Variants in AHNAK observed in about 807,000 individuals in gnomAD.
AHNAK encodes AHNAK nucleoprotein.
In AHNAK, 23 loss-of-function variants were observed where a neutral mutation model predicts 37.8. The ratio of observed to expected loss-of-function variants is 0.61; its 90% CI spans 0.44 to 0.86. The LOEUF is 0.86. AHNAK is among the 40% of genes least tolerant of loss of function. AHNAK has a pLI of 0.00. For missense variants in AHNAK, 7,411 were observed against 7,319.4 expected (o/e 1.01, Z -0.46); for synonymous variants, 2,481 against 2,636.3 (o/e 0.94, Z 1.80).
chr11:62,481,006 C>G (rs1939259877), intron 5 of AHNAK, among the ~76,000 whole-genome samples: 1 of 152,030 alleles, frequency 6.6e-6, no homozygotes, highest in Non-Finnish European at 1.5e-5. Context: ...CCGAGGCGCT[C>G]CTGTAGCTCC....
At chr11:62,464,638 A>T (rs974171180) in intron 5 of AHNAK, among the ~76,000 whole-genome samples, 2 of 151,302 alleles carry the variant, frequency 1.3e-5, no homozygotes, top group Non-Finnish European at 2.9e-5. Flanking sequence ...ACTGTACTCC[A>T]GTCTGGGCAA....
chr11:62,532,311 T>C lies in AHNAK; in HGVS notation c.2106A>G (p.Val702=). Residue 702 remains valine, a synonymous_variant, in exon 5 of 5, where the codon GTA becomes GTG. Transcript: ENST00000378024. ...VKTPKISMPD[V]DLHVKGTKVK... ...CCTTTGTACCTTTCACGTGCAAATC[T>C]ACATCAGGCATGGAGATCTTTGGTG... 6.2e-7 allele frequency: 1 copy of C among 1,612,750 alleles called. No individual in the cohort carries two copies. The highest frequency in any genetic ancestry group is 1.7e-4 in the Middle Eastern group (1 of 6,056).
intron 5 of AHNAK, among the ~76,000 whole-genome samples, chr11:62,448,390 G>A (rs898414383): frequency 6.6e-6 from 1 of 152,194 alleles, no homozygotes; most frequent in South Asian, 2.1e-4. Flanking sequence ...CAGCCGTCCA[G>A]GTGAGATGGT....
intron 3 of AHNAK, among the ~76,000 whole-genome samples, chr11:62,535,606 C>T (rs1034141639): frequency 6.6e-6 from 1 of 151,644 alleles, no homozygotes; most frequent in African/African-American, 2.4e-5. Context: ...TGAGATAGCG[C>T]CATTGCACTC....
In AHNAK at chr11:62,527,205, C is replaced by T. The variant is rs1389987352; in HGVS notation, c.7212G>A (p.Val2404=). The change falls in exon 5 of 5, where the codon GTG becomes GTA. Residue 2404 remains valine, a synonymous_variant. Transcript: ENST00000378024. ...CTTCCAATTTGGGAACATCTACATC[C>T]ACCTCTCCTTTTGCCTTGGGGCTCT... The part of the protein sequence containing the change: ...HLKSPKAKGE[V]DVDVPKLEGD... 2 of 1,611,654 alleles carry T rather than the reference C, an allele frequency of 1.2e-6. No homozygotes were observed. Among genetic ancestry groups the T allele is most frequent in the African/African-American group, 1.3e-5 (1 of 74,780 alleles).
At chr11:62,543,906 G>T (rs1464315979) in intron 1 of AHNAK, among the ~76,000 whole-genome samples, 2 of 152,156 alleles carry the variant, frequency 1.3e-5, no homozygotes, top group Non-Finnish European at 2.9e-5. Context: ...TTGGGGCCTC[G>T]GGAATGGTGG....
rs1940756181 is a variant in AHNAK at position 62,531,716 on chromosome 11, G to A, written c.2701C>T (p.Leu901=). 6.2e-7 allele frequency: 1 copy of A among 1,614,128 alleles called. No homozygotes were observed. Among genetic ancestry groups the A allele is most frequent in the Non-Finnish European group, 8.5e-7 (1 of 1,180,022 alleles). Residue 901 remains leucine, a synonymous_variant, in exon 5 of 5, where the codon CTG becomes TTG. Transcript: ENST00000378024. ...KAEGPEVDVN[L]PKADVDISGP... ...GAGATGTCCACATCAGCCTTGGGCA[G>A]GTTCACATCCACTTCTGGGCCCTCT... is the stretch of plus-strand genomic sequence containing the variant.
intron 4 of AHNAK, among the ~76,000 whole-genome samples, chr11:62,496,328 T>C (rs1939608389): frequency 6.6e-6 from 1 of 152,196 alleles, no homozygotes; most frequent in Non-Finnish European, 1.5e-5. Context: ...CTAGCCATCC[T>C]AGGTGCTGTT....
chr11:62,504,882 AAAAT>A (rs1228543889), intron 4 of AHNAK, among the ~76,000 whole-genome samples: 1 of 152,202 alleles, frequency 6.6e-6, no homozygotes, highest in African/African-American at 2.4e-5. Context: ...CTGCCGTTTC[AAAAT>A]GCCCTAAGCT....
At chr11:62,515,738 A>G (rs543376738), downstream of AHNAK, among the ~76,000 whole-genome samples, 113 of 152,352 alleles carry the variant, frequency 7.4e-4, 1 homozygote, top group Non-Finnish European at 2.9e-5. Context: ...ATGAGAATCA[A>G]GAAGCAAAGA....
Position 62,518,531 on chromosome 11 carries a change from T to C in AHNAK, c.15886A>G (p.Lys5296Glu), listed in dbSNP as rs370068680. 6.8e-6 allele frequency: 11 copies of C among 1,613,966 alleles called. No individual in the cohort carries two copies. The highest frequency in any genetic ancestry group is 1.3e-5 in the African/African-American group (1 of 74,886). Residue 5296 changes from lysine (K) to glutamate (E), a missense_variant, in exon 5 of 5, where the codon AAA becomes GAA. Transcript: ENST00000378024. ...DLPSVNLSMP[K>E]VSGPDLDLNL... Reference sequence around the variant, plus strand: ...AGATCAAGGTCAGGCCCAGAGACTTTTGGCATAGAGAGGTTCACTGAAGGC... The same window carrying C: ...AGATCAAGGTCAGGCCCAGAGACTTCTGGCATAGAGAGGTTCACTGAAGGC...
chr11:62,505,034 A>G (rs908995017), intron 4 of AHNAK, among the ~76,000 whole-genome samples: 2 of 152,184 alleles, frequency 1.3e-5, no homozygotes, highest in African/African-American at 4.8e-5. Context: ...TTCTCAGGGT[A>G]CAAAGCTGTC....
At position 62,517,784 on chromosome 11, in the gene AHNAK, C is replaced by G; in HGVS notation, c.16633G>C (p.Gly5545Arg). 3 of 1,614,180 alleles carry G rather than the reference C, an allele frequency of 1.9e-6. No homozygotes were observed. The change falls in exon 5 of 5, where the codon GGG becomes CGG. Residue 5545 changes from glycine to arginine, a missense_variant. By Grantham distance (125) the Gly-to-Arg change is moderately radical. Transcript: ENST00000378024. ...HGAAPDISVK[G>R]PAFNMASPES... ...GGAGATGCCATATTAAAGGCAGGCCCCTTCACACTGATATCAGGAGCAGCC... is the reference window on the plus strand; with the variant it reads ...GGAGATGCCATATTAAAGGCAGGCCGCTTCACACTGATATCAGGAGCAGCC...
Position 62,533,451 on chromosome 11 carries a change from G to A in AHNAK, c.966C>T (p.Gly322=), listed in dbSNP as rs777930156. ...PKFGVSTGRE[G]QTPKAGLRVS... ...CCCTCAGCCCTGCCTTTGGTGTCTG[G>A]CCCTCACGCCCTGTTGAGACACCAA... Residue 322 remains glycine, a synonymous_variant, in exon 5 of 5, where the codon GGC becomes GGT. Transcript: ENST00000378024. The A allele has an allele frequency of 6.2e-7, 1 of 1,614,008 alleles. No homozygotes were observed. The highest frequency in any genetic ancestry group is 2.2e-5 in the East Asian group (1 of 44,882).
At position 62,522,046 on chromosome 11, in the gene AHNAK, A is replaced by G; in HGVS notation, c.12371T>C (p.Leu4124Pro). Residue 4124 changes from leucine to proline, a missense_variant, in exon 5 of 5, where the codon CTC becomes CCC. Coordinates refer to ENST00000378024, the MANE Select transcript of AHNAK (RefSeq NM_001620.3). ...GPKFKMPDLHLKAPKISMPEV... is the reference protein window; with the variant it reads ...GPKFKMPDLHPKAPKISMPEV... ...AGGCATAGAGATCTTCGGTGCCTTGAGGTGCAGGTCAGGCATTTTAAATTT... is the reference window on the plus strand; with the variant it reads ...AGGCATAGAGATCTTCGGTGCCTTGGGGTGCAGGTCAGGCATTTTAAATTT... The G allele has an allele frequency of 6.2e-7, 1 of 1,614,088 alleles. No homozygotes were observed. The highest frequency in any genetic ancestry group is 8.5e-7 in the Non-Finnish European group (1 of 1,180,030).
At position 62,520,071 on chromosome 11, in the gene AHNAK, C is replaced by A. The variant is rs768735248; in HGVS notation, c.14346G>T (p.Lys4782Asn). 9 of 1,598,642 alleles carry A rather than the reference C, an allele frequency of 5.6e-6. No individual in the cohort carries two copies. The African/African-American group carries it at 8.5e-5, about 15-fold the overall frequency. Residue 4782 changes from lysine (K) to asparagine (N), a missense_variant, in exon 5 of 5, where the codon AAG becomes AAT. Lys to Asn is a moderately conservative substitution (Grantham distance 94). Coordinates refer to ENST00000378024, the MANE Select transcript of AHNAK (RefSeq NM_001620.3). ...HGPDWHLKMP[K>N]VKMPKFSMPG... ...GCATGCTGAATTTGGGCATTTTCAC[C>A]TTGGGCATCTTCAGGTGCCAGTCTG...
In AHNAK at chr11:62,522,647, G is replaced by C. The variant is rs866059259; in HGVS notation, c.11770C>G (p.Arg3924Gly). Reference sequence around the variant, plus strand: ...ATCTTCAGGTGCCAGTCTGGGCCTCGAACATCCACATCTGGGGCATTAATA... The same window carrying C: ...ATCTTCAGGTGCCAGTCTGGGCCTCCAACATCCACATCTGGGGCATTAATA... ...VDINAPDVDVRGPDWHLKMPK... is the reference protein window; with the variant it reads ...VDINAPDVDVGGPDWHLKMPK... The change falls in exon 5 of 5, where the codon CGA (arginine) becomes GGA (glycine). Residue 3924 changes from arginine to glycine, a missense_variant. By Grantham distance (125) the Arg-to-Gly change is moderately radical. Coordinates refer to ENST00000378024, the MANE Select transcript of AHNAK (RefSeq NM_001620.3). 3 of 1,612,934 alleles carry C rather than the reference G, an allele frequency of 1.9e-6. No homozygotes were observed. The highest frequency in any genetic ancestry group is 2.5e-6 in the Non-Finnish European group (3 of 1,179,782).
At chr11:62,484,878 C>T (rs994245383) in intron 5 of AHNAK, among the ~76,000 whole-genome samples, 10 of 152,354 alleles carry the variant, frequency 6.6e-5, no homozygotes, top group African/African-American at 2.2e-4. Context: ...CAACCTCCGC[C>T]TCCCGGGTTC....
intron 5 of AHNAK, among the ~76,000 whole-genome samples, chr11:62,463,544 G>A (rs1938836405): frequency 6.6e-6 from 1 of 151,968 alleles, no homozygotes; most frequent in South Asian, 2.1e-4. Flanking sequence ...GAAAAATTAA[G>A]CCATGATCAA....
Sources: allele counts gnomAD v4.1 joint callset (sites outside exome capture counted in the v4.1 genomes callset), GRCh38; gene constraint gnomAD v4.1.1; transcripts MANE v1.5; gene names NCBI Gene and HGNC (gene_info 2026-07-23, HGNC 2026-07-21).